FAM184A: variants seen among roughly 807,000 people sequenced by gnomAD.
The protein encoded by FAM184A is family with sequence similarity 184 member A.
In FAM184A, 99 loss-of-function variants were observed where a neutral mutation model predicts 143.8. That is an observed-to-expected ratio of 0.69 (90% CI 0.58 to 0.81). FAM184A has a LOEUF of 0.81. Ranked by LOEUF, FAM184A falls within the 40% of genes least tolerant of loss-of-function variation. FAM184A has a pLI of 0.00. For synonymous variants in FAM184A, 427 were observed against 446.4 expected (o/e 0.96, Z 0.55); for missense variants, 1,217 against 1,310.5 (o/e 0.93, Z 1.10).
intron 9 of FAM184A, among the ~76,000 whole-genome samples, chr6:118,982,961 G>A (rs1307107590): frequency 1.3e-5 from 2 of 152,078 alleles, no homozygotes; most frequent in Non-Finnish European, 2.9e-5. Context: ...CTTAGGATAT[G>A]TGATTAATCT....
chr6:118,992,210 G>A (rs1204109886), intron 9 of FAM184A, among the ~76,000 whole-genome samples: 2 of 152,134 alleles, frequency 1.3e-5, no homozygotes, highest in Non-Finnish European at 2.9e-5. Flanking sequence ...GTTTACTAGG[G>A]AAGATGAAAG....
intron 15 of FAM184A, 112 bp downstream of exon 15, chr6:118,966,723 T>C: frequency 2.0e-6 from 1 of 501,648 alleles, no homozygotes; most frequent in Non-Finnish European, 3.5e-6. Context: ...ACAATGCACA[T>C]GTTCTGTGTT....
At chr6:119,065,777 A>AT (rs1156651200) in intron 1 of FAM184A, among the ~76,000 whole-genome samples, 2 of 150,788 alleles carry the variant, frequency 1.3e-5, no homozygotes, top group African/African-American at 2.5e-5. Flanking sequence ...CAAATCTCCT[A>AT]TCTCTCTACC....
At chr6:119,064,044 C>T (rs1787352586) in intron 1 of FAM184A, among the ~76,000 whole-genome samples, 1 of 152,122 alleles carries the variant, frequency 6.6e-6, no homozygotes, top group Admixed American at 6.6e-5. Flanking sequence ...CTTGTTATAA[C>T]TTATCCACCT....
At position 118,979,346 on chromosome 6, in the gene FAM184A, T is replaced by G. The variant is rs772491786; in HGVS notation, c.2455+19A>C. The G allele has an allele frequency of 1.0e-5, 16 of 1,587,144 alleles. No individual in the cohort carries two copies. The East Asian group carries it at 2.9e-4, about 29-fold the overall frequency. On this transcript the variant is annotated intron_variant, in intron 11 of 17. Coordinates refer to ENST00000338891, the MANE Select transcript of FAM184A (RefSeq NM_024581.6). ...AATGTACATATGAATATGACAAGAT[T>G]GTAATCTTTTCAAAATACCAAGCAT...
intron 1 of FAM184A, among the ~76,000 whole-genome samples, chr6:119,142,529 G>A (rs1038299261): frequency 6.6e-6 from 1 of 152,208 alleles, no homozygotes; most frequent in African/African-American, 2.4e-5. Flanking sequence ...TGGAACTAGA[G>A]TGGAACTCAA....
chr6:118,968,244 C>T (rs930540786), intron 14 of FAM184A, among the ~76,000 whole-genome samples: 1 of 152,076 alleles, frequency 6.6e-6, no homozygotes. Flanking sequence ...TACACTAACA[C>T]TAATGATAGC....
chr6:119,024,731 T>C lies in FAM184A; in HGVS notation c.242A>G (p.Gln81Arg). 1 of 1,613,822 alleles carries C rather than the reference T, an allele frequency of 6.2e-7. No individual in the cohort carries two copies. The highest frequency in any genetic ancestry group is 8.5e-7 in the Non-Finnish European group (1 of 1,180,006). The part of the protein sequence containing the change: ...ALKDAHEEEI[Q>R]QILAETREKI... ...TTCTCTTGTTTCAGCAAGAATTTGT[T>C]GAATTTCTTCTTCATGAGCATCTTT... The change falls in exon 2 of 18, where the codon CAA becomes CGA. Residue 81 changes from glutamine (Q) to arginine (R), a missense_variant. Coordinates refer to ENST00000338891, the MANE Select transcript of FAM184A (RefSeq NM_024581.6).
At chr6:119,116,153 T>C (rs1789057115) in intron 1 of FAM184A, among the ~76,000 whole-genome samples, 1 of 152,130 alleles carries the variant, frequency 6.6e-6, no homozygotes, top group Non-Finnish European at 1.5e-5. Context: ...GAGCATGGCT[T>C]TTTGTAATGG....
At chr6:119,069,254 G>A (rs545844154) in intron 1 of FAM184A, 27 of 180,642 alleles carry the variant, frequency 1.5e-4, no homozygotes, top group Non-Finnish European at 2.6e-4. Flanking sequence ...ATTCTACTTC[G>A]GTCATATCTA....
upstream of FAM184A, among the ~76,000 whole-genome samples, chr6:119,081,991 G>A (rs1318304908): frequency 6.6e-6 from 1 of 152,172 alleles, no homozygotes; most frequent in African/African-American, 2.4e-5. Context: ...TGCCTGCTAG[G>A]GTCCCCAGGT....
At chr6:118,974,304 C>A in intron 14 of FAM184A, 124 bp downstream of exon 14, 1 of 790,898 alleles carries the variant, frequency 1.3e-6, no homozygotes, top group Non-Finnish European at 2.0e-6. Flanking sequence ...TGTAACACAG[C>A]ACTAAAATTT....
chr6:118,975,211 G>GC lies in FAM184A; in HGVS notation c.2584-4_2584-3insG. 9 of 1,458,508 alleles carry GC rather than the reference G, an allele frequency of 6.2e-6. No homozygotes were observed. The highest frequency in any genetic ancestry group is 2.4e-5 in the Admixed American group (1 of 41,620). The allele number at this position is 1,458,508 out of a possible 1,614,324, so 90.3% of individuals were successfully genotyped here. ...ATTCTACATATGTGCTCCTTACTCT[G>GC]TTAAAAAAAAAAAGTCATTTTTAGA... On this transcript the variant is annotated splice_polypyrimidine_tract_variant and splice_region_variant and intron_variant, in intron 12 of 17. Transcript: ENST00000338891.
At chr6:119,060,021 T>C (rs906905215) in intron 1 of FAM184A, among the ~76,000 whole-genome samples, 5 of 152,318 alleles carry the variant, frequency 3.3e-5, no homozygotes, top group African/African-American at 4.8e-5. Flanking sequence ...TCACAGTGTA[T>C]ATGACTCTTT....
intron 5 of FAM184A, among the ~76,000 whole-genome samples, chr6:119,013,823 T>A (rs2114665319): frequency 6.6e-6 from 1 of 152,366 alleles, no homozygotes; most frequent in East Asian, 1.9e-4. Context: ...TCAATTCATA[T>A]CCTATCTCTT....
intron 1 of FAM184A, among the ~76,000 whole-genome samples, chr6:119,049,438 C>T (rs1786662617): frequency 6.6e-6 from 1 of 152,138 alleles, no homozygotes; most frequent in African/African-American, 2.4e-5. Flanking sequence ...ATAAGAGCGA[C>T]ACTTTGTCTC....
intron 9 of FAM184A, among the ~76,000 whole-genome samples, chr6:118,984,951 T>A (rs902252844): frequency 1.1e-4 from 17 of 152,228 alleles, no homozygotes; most frequent in Non-Finnish European, 2.1e-4. Flanking sequence ...ATGAAAATTT[T>A]AAAAATACAG....
At chr6:119,031,424 G>T (rs188227083) in intron 1 of FAM184A, 18 of 152,306 alleles carry the variant, frequency 1.2e-4, no homozygotes, top group African/African-American at 4.3e-4. Flanking sequence ...ACATCAAGAA[G>T]GTGACCACCT....
chr6:118,972,768 C>T (rs1210970321), intron 14 of FAM184A, among the ~76,000 whole-genome samples: 1 of 152,142 alleles, frequency 6.6e-6, no homozygotes, highest in Non-Finnish European at 1.5e-5. Flanking sequence ...TGACGTTATT[C>T]TTTCTGTGAC....
Sources: allele counts gnomAD v4.1 joint callset (sites outside exome capture counted in the v4.1 genomes callset), GRCh38; gene constraint gnomAD v4.1.1; transcripts MANE v1.5; gene names NCBI Gene and HGNC (gene_info 2026-07-23, HGNC 2026-07-21).